Variants in UST observed in about 807,000 individuals in gnomAD.
UST encodes the protein chondroitin sulfate 2-O-sulfotransferase.
A neutral mutation model predicts 45.6 loss-of-function variants in UST; 21 were observed. That is an observed-to-expected ratio of 0.46 (90% CI 0.33 to 0.66). The LOEUF (loss-of-function observed/expected upper bound fraction) is 0.66. Among genes scored for constraint, UST ranks in the 30% least tolerant of loss-of-function variants. The pLI, the probability that UST is intolerant of heterozygous loss-of-function variation, is 0.02. For missense variants in UST, 463 were observed against 512.4 expected (o/e 0.90, Z 0.93); for synonymous variants, 215 against 200.6 (o/e 1.07, Z -0.61).
At chr6:148,831,752 G>T (rs1777691433) in intron 1 of UST, among the ~76,000 whole-genome samples, 1 of 152,022 alleles carries the variant, frequency 6.6e-6, no homozygotes. Context: ...CTATGATTGT[G>T]CCACTGCATT....
intron 3 of UST, among the ~76,000 whole-genome samples, chr6:148,949,427 ATAATAATAT>A (rs1286444353): frequency 0.076 from 5,200 of 68,720 alleles, 244 homozygotes; most frequent in African/African-American, 0.15. Flanking sequence ...AATAATAATA[ATAATAATAT>A]TACTTATTCA....
At chr6:148,874,557 C>T (rs1268091608) in intron 1 of UST, among the ~76,000 whole-genome samples, 3 of 151,998 alleles carry the variant, frequency 2.0e-5, no homozygotes, top group African/African-American at 7.3e-5. Flanking sequence ...GATATGTTTG[C>T]CTTTGTTAAC....
chr6:148,888,198 A>G (rs1778946367), intron 2 of UST, among the ~76,000 whole-genome samples: 1 of 152,148 alleles, frequency 6.6e-6, no homozygotes, highest in South Asian at 2.1e-4. Context: ...CAGGAACAAG[A>G]GGGATTGGGG....
chr6:148,811,359 G>A (rs370042809), intron 1 of UST, among the ~76,000 whole-genome samples: 13 of 152,268 alleles, frequency 8.5e-5, no homozygotes, highest in East Asian at 5.8e-4. Context: ...CCAGCACACC[G>A]TTTCTTCTCT....
chr6:148,815,060 G>A (rs185713168), intron 1 of UST, among the ~76,000 whole-genome samples: 192 of 152,250 alleles, frequency 1.3e-3, no homozygotes, highest in African/African-American at 4.5e-3. Flanking sequence ...AAAAACCGTG[G>A]TATATCCACA....
chr6:148,941,293 A>G lies in UST; in HGVS notation c.306A>G (p.Pro102=). Residue 102 remains proline (P), a synonymous_variant, in exon 3 of 8, where the codon CCA becomes CCG. Transcript: ENST00000367463. ...TTTTTTCCCAGGTACTACCTTTCCCAAGCCAGGTGGTGTACAACAGGGTAG... is the reference window on the plus strand; with the variant it reads ...TTTTTTCCCAGGTACTACCTTTCCCGAGCCAGGTGGTGTACAACAGGGTAG... ...GPPPSKVLPF[P]SQVVYNRVGK... The G allele has an allele frequency of 6.2e-7, 1 of 1,612,946 alleles. No homozygotes were observed. The highest frequency in any genetic ancestry group is 8.5e-7 in the Non-Finnish European group (1 of 1,179,682).
At chr6:148,869,146 A>G (rs1280023217) in intron 1 of UST, among the ~76,000 whole-genome samples, 1 of 152,162 alleles carries the variant, frequency 6.6e-6, no homozygotes, top group South Asian at 2.1e-4. Flanking sequence ...CCTTCAGCCT[A>G]TCTTTGGAAA....
intron 5 of UST, among the ~76,000 whole-genome samples, chr6:148,972,656 A>T (rs763660822): frequency 6.6e-6 from 1 of 152,250 alleles, no homozygotes; most frequent in Non-Finnish European, 1.5e-5. Flanking sequence ...AGCTGAGCTC[A>T]TCTGCTGTGA....
chr6:148,938,009 A>G (rs1780054058), intron 2 of UST, among the ~76,000 whole-genome samples: 2 of 152,202 alleles, frequency 1.3e-5, no homozygotes, highest in Non-Finnish European at 2.9e-5. Flanking sequence ...GAATATCTGG[A>G]CTTCTGTAAT....
chr6:148,930,831 G>A (rs1779907977), intron 2 of UST, among the ~76,000 whole-genome samples: 1 of 152,146 alleles, frequency 6.6e-6, no homozygotes, highest in African/African-American at 2.4e-5. Context: ...ACTCAGCTAA[G>A]AGATTTAAAC....
In UST at chr6:148,965,910, G is replaced by A. The variant is rs796923925; in HGVS notation, c.681+1347G>A. Among the ~76,000 whole-genome samples the A allele has an allele frequency of 9.2e-4, 107 of 116,092 alleles. 2 individuals carry two copies. The highest frequency in any genetic ancestry group is 3.4e-3 in the African/African-American group (100 of 29,450). 76.2% of individuals were successfully genotyped at this position (116,092 alleles called of 152,430 possible). ...TTTTTTTTTTTTTAGTTTTTATGGC[G>A]AAACCCTAATCTATTTCTTTATAGG... On this transcript the variant is annotated intron_variant, in intron 5 of 7. Transcript: ENST00000367463.
At chr6:148,816,539 A>T (rs1236612471) in intron 1 of UST, among the ~76,000 whole-genome samples, 1 of 152,260 alleles carries the variant, frequency 6.6e-6, no homozygotes, top group Non-Finnish European at 1.5e-5. Context: ...ATTCTATACA[A>T]CATAGTAAAT....
chr6:149,026,726 A>G (rs1776055724), intron 7 of UST, among the ~76,000 whole-genome samples: 1 of 152,164 alleles, frequency 6.6e-6, no homozygotes, highest in Non-Finnish European at 1.5e-5. Flanking sequence ...TTAACCCATT[A>G]CCTTCTCCCT....
chr6:149,023,560 T>G (rs193066918), intron 7 of UST, among the ~76,000 whole-genome samples: 1 of 152,274 alleles, frequency 6.6e-6, no homozygotes, highest in Non-Finnish European at 1.5e-5. Context: ...ATTTTATTAA[T>G]ATTGTTTATT....
At chr6:149,069,863 T>C (rs916047610) in intron 7 of UST, among the ~76,000 whole-genome samples, 5 of 152,240 alleles carry the variant, frequency 3.3e-5, no homozygotes, top group Admixed American at 6.5e-5. Flanking sequence ...TGAAGACTAG[T>C]AAAATGTGAT....
At chr6:148,819,591 T>C (rs1267965877) in intron 1 of UST, among the ~76,000 whole-genome samples, 1 of 152,240 alleles carries the variant, frequency 6.6e-6, no homozygotes, top group Non-Finnish European at 1.5e-5. Context: ...GATAATTACG[T>C]ATTTTATGCT....
intron 5 of UST, among the ~76,000 whole-genome samples, chr6:148,967,685 G>T (rs1341755652): frequency 2.0e-5 from 3 of 152,148 alleles, no homozygotes; most frequent in Non-Finnish European, 4.4e-5. Flanking sequence ...TCCCCTCGGA[G>T]GCCCTTCCCT....
intron 1 of UST, among the ~76,000 whole-genome samples, chr6:148,765,171 C>T (rs923065264): frequency 1.4e-4 from 21 of 152,176 alleles, no homozygotes; most frequent in Non-Finnish European, 1.5e-4. Flanking sequence ...GCCCAGATTT[C>T]ATATTGTTCA....
intron 1 of UST, among the ~76,000 whole-genome samples, chr6:148,785,739 TG>T (rs1582810887): frequency 1.3e-5 from 2 of 152,188 alleles, no homozygotes; most frequent in African/African-American, 4.8e-5. Context: ...GGGCAGCACT[TG>T]AACACTTGAA....
Sources: allele counts gnomAD v4.1 joint callset (sites outside exome capture counted in the v4.1 genomes callset), GRCh38; gene constraint gnomAD v4.1.1; transcripts MANE v1.5; gene names NCBI Gene and HGNC (gene_info 2026-07-23, HGNC 2026-07-21).